Variants in SH2D4B observed in about 807,000 individuals in gnomAD.
SH2D4B encodes the protein SH2 domain containing 4B, also known as SH2 domain-containing protein 4B.
A neutral mutation model predicts 61.5 loss-of-function variants in SH2D4B; 45 were observed. The observed-to-expected ratio is 0.73, with a 90% confidence interval of 0.58 to 0.94. SH2D4B has a LOEUF of 0.94. Among genes scored for constraint, SH2D4B ranks in the 40% least tolerant of loss-of-function variants. The probability of loss-of-function intolerance (pLI) is 0.00; values close to 1 mark genes in which losing one functional copy is unlikely to be tolerated. For synonymous variants in SH2D4B, 224 were observed against 220.4 expected (o/e 1.02, Z -0.14); for missense variants, 572 against 574.2 (o/e 1.00, Z 0.04).
intron 4 of SH2D4B, among the ~76,000 whole-genome samples, chr10:80,599,057 C>G (rs1446876327): frequency 6.6e-6 from 1 of 152,140 alleles, no homozygotes; most frequent in Non-Finnish European, 1.5e-5. Flanking sequence ...AGGTTTTTGA[C>G]AGAGCGGAGT....
At chr10:80,571,150 C>CA (rs1428687839) in intron 2 of SH2D4B, among the ~76,000 whole-genome samples, 2 of 152,218 alleles carry the variant, frequency 1.3e-5, no homozygotes, top group Non-Finnish European at 2.9e-5. Flanking sequence ...GCTGGGATTA[C>CA]AGGCATGCAC....
At chr10:80,572,986 A>AT (rs61401607) in intron 3 of SH2D4B, among the ~76,000 whole-genome samples, 4 of 8,876 alleles carry the variant, frequency 4.5e-4, no homozygotes, top group Admixed American at 2.4e-3. Context: ...ATATATATAT[A>AT]TTTTTTTTTT....
At chr10:80,576,183 G>C (rs1240361790) in intron 3 of SH2D4B, among the ~76,000 whole-genome samples, 1 of 152,204 alleles carries the variant, frequency 6.6e-6, no homozygotes, top group Non-Finnish European at 1.5e-5. Context: ...CTCAGTGATA[G>C]AGTGGGTGAG....
rs111904790 is a variant in SH2D4B, at chr10:80,539,754, G to A, written c.184+1239G>A. Among the ~76,000 whole-genome samples the A allele has an allele frequency of 7.0e-3, 1,068 of 152,264 alleles. 7 individuals are homozygous for A. Among genetic ancestry groups the A allele is most frequent in the Non-Finnish European group, 0.011 (754 of 68,012 alleles). ...TGGGCTCAAAGGCACTGGTGTGTGAGGGCTTCCTCCACTCTATCTTCCTCC... is the reference window on the plus strand; with the variant it reads ...TGGGCTCAAAGGCACTGGTGTGTGAAGGCTTCCTCCACTCTATCTTCCTCC... On this transcript the variant is annotated intron_variant, in intron 1 of 7. Coordinates refer to ENST00000646907, the MANE Select transcript of SH2D4B (RefSeq NM_001388272.1). This position sits in a 1 kb window ranked among gnomAD's most constrained non-coding sequence, Gnocchi z 4.9.
rs372515371 is a variant in SH2D4B at position 80,609,438 on chromosome 10, G to A, written c.875G>A (p.Arg292His). The A allele has an allele frequency of 1.2e-5, 20 of 1,613,528 alleles. No homozygotes were observed. The highest frequency in any genetic ancestry group is 5.3e-5 in the African/African-American group (4 of 74,872). Reference protein sequence around the residue: ...LALPVSRTWERPLRPVSRDVI... With the variant: ...LALPVSRTWEHPLRPVSRDVI... ...TTTCTCTTCAGCAGGACCTGGGAGCGCCCGCTGCGCCCAGTCTCCAGAGAT... is the reference window on the plus strand; with the variant it reads ...TTTCTCTTCAGCAGGACCTGGGAGCACCCGCTGCGCCCAGTCTCCAGAGAT... The change falls in exon 6 of 8, where the codon CGC becomes CAC. Residue 292 changes from arginine to histidine, a missense_variant. Physicochemically the swap from Arg to His is conservative, Grantham distance 29 (BLOSUM62 0). Coordinates refer to ENST00000646907, the MANE Select transcript of SH2D4B (RefSeq NM_001388272.1).
At chr10:80,547,761 G>A (rs1841702121) in intron 1 of SH2D4B, among the ~76,000 whole-genome samples, 1 of 152,194 alleles carries the variant, frequency 6.6e-6, no homozygotes, top group African/African-American at 2.4e-5. Flanking sequence ...GTGTCTAGGG[G>A]TGAGGGACAG....
Position 80,572,183 on chromosome 10 carries a change from G to A in SH2D4B, c.495+605G>A, listed in dbSNP as rs144164859. On this transcript the variant is annotated intron_variant, in intron 3 of 7. Transcript: ENST00000646907. ...GGGATAGACTCAGAATCAGAACCGGGGCCTTTTGCATCCCAAACCACCAGT... is the reference window on the plus strand; with the variant it reads ...GGGATAGACTCAGAATCAGAACCGGAGCCTTTTGCATCCCAAACCACCAGT... Among the ~76,000 whole-genome samples, 48 of 152,188 alleles carry A rather than the reference G, an allele frequency of 3.2e-4. 1 individual carries two copies. The highest frequency in any genetic ancestry group is 1.1e-3 in the African/African-American group (46 of 41,512).
intron 1 of SH2D4B, among the ~76,000 whole-genome samples, chr10:80,564,773 T>A (rs1841944594): frequency 6.6e-6 from 1 of 152,396 alleles, no homozygotes; most frequent in South Asian, 2.1e-4. Context: ...CTCCAGCCTC[T>A]TTCTTCCATG....
chr10:80,629,006 G>A (rs1006368580), intron 6 of SH2D4B, among the ~76,000 whole-genome samples: 1 of 149,106 alleles, frequency 6.7e-6, no homozygotes, highest in Admixed American at 6.7e-5. Flanking sequence ...CCCCAGCCTG[G>A]GTGACAGAGC....
At chr10:80,606,092 CCAT>C (rs1222835843) in intron 5 of SH2D4B, among the ~76,000 whole-genome samples, 1 of 152,092 alleles carries the variant, frequency 6.6e-6, no homozygotes, top group Non-Finnish European at 1.5e-5. Context: ...TATAGCCGCC[CCAT>C]GGGACGGGTG....
chr10:80,566,849 C>T (rs1841975379), intron 1 of SH2D4B, among the ~76,000 whole-genome samples: 1 of 152,138 alleles, frequency 6.6e-6, no homozygotes, highest in Admixed American at 6.5e-5. Context: ...TTTTATAATT[C>T]TAAGCAGTGG....
chr10:80,605,718 C>T (rs1362879315), intron 5 of SH2D4B, among the ~76,000 whole-genome samples: 1 of 152,104 alleles, frequency 6.6e-6, no homozygotes, highest in African/African-American at 2.4e-5. Flanking sequence ...AGAGTTTCAC[C>T]ATATTGGTCA....
intron 1 of SH2D4B, among the ~76,000 whole-genome samples, chr10:80,565,022 GT>G (rs1334715554): frequency 2.0e-5 from 3 of 152,226 alleles, no homozygotes; most frequent in Admixed American, 1.3e-4. Context: ...ACAGAAACAG[GT>G]GGATTGGTCA....
intron 1 of SH2D4B, among the ~76,000 whole-genome samples, chr10:80,543,468 T>C (rs560879538): frequency 1.6e-4 from 24 of 152,314 alleles, no homozygotes; most frequent in Admixed American, 1.5e-3. Context: ...GCTCGGGACC[T>C]GCAGCCCTCC....
At chr10:80,605,952 TG>T (rs371917983) in intron 5 of SH2D4B, among the ~76,000 whole-genome samples, 84 of 152,364 alleles carry the variant, frequency 5.5e-4, no homozygotes, top group African/African-American at 2.0e-3. Flanking sequence ...AACCTGGCTC[TG>T]GGCTGGCTTT....
intron 1 of SH2D4B, among the ~76,000 whole-genome samples, chr10:80,564,627 A>G (rs769688757): frequency 6.6e-6 from 1 of 152,178 alleles, no homozygotes; most frequent in East Asian, 1.9e-4. Context: ...TTGGCTTTAA[A>G]TATCATCTGT....
At chr10:80,571,751 A>G (rs924505214) in intron 3 of SH2D4B, among the ~76,000 whole-genome samples, 173 bp downstream of exon 3, 1 of 150,644 alleles carries the variant, frequency 6.6e-6, no homozygotes, top group Non-Finnish European at 1.5e-5. Flanking sequence ...ATTTGGGCCA[A>G]TCCACTTCTG....
At chr10:80,549,667 A>G (rs1841731758) in intron 1 of SH2D4B, among the ~76,000 whole-genome samples, 1 of 152,202 alleles carries the variant, frequency 6.6e-6, no homozygotes, top group Admixed American at 6.5e-5. Context: ...GCAGCCTGCC[A>G]CCTTGCTCTT....
chr10:80,634,529 G>A lies in SH2D4B; in HGVS notation c.1209+24G>A, dbSNP rs550381388. On this transcript the variant is annotated intron_variant, in intron 7 of 7. Transcript: ENST00000646907. ...AGGTATCCCTCACAGGGATACTAAT[G>A]GGGGGGAGGGGGAACTGGTGGAAAT... 3.9e-6 allele frequency: 6 copies of A among 1,543,522 alleles called. No homozygotes were observed. The South Asian group carries it at 6.0e-5, about 15-fold the overall frequency.
Sources: gnomAD v4.1 joint callset for allele counts (sites outside exome capture counted in the v4.1 genomes callset) on GRCh38, gnomAD v4.1.1 for gene constraint, Gnocchi (gnomAD v3.1) non-coding constraint, MANE v1.5 for transcripts, NCBI Gene and HGNC (gene_info 2026-07-23, HGNC 2026-07-21) for gene names.